The following PACS1 variants were observed in gnomAD, a reference collection of about 807,000 sequenced individuals.
The protein encoded by PACS1 is PACS-1.
PACS1 carries 24 observed loss-of-function variants against 115.0 expected under a neutral mutation model. The observed-to-expected ratio is 0.21, with a 90% CI of 0.15 to 0.29. PACS1 has a LOEUF of 0.29. Among genes scored for constraint, PACS1 ranks in the 10% least tolerant of loss-of-function variants. The pLI is 1.00. For synonymous variants in PACS1, 453 were observed against 504.5 expected (o/e 0.90, Z 1.37); for missense variants, 838 against 1,251.2 (o/e 0.67, Z 4.98).
At chr11:66,208,800 G>A (rs1855005245) in intron 2 of PACS1, among the ~76,000 whole-genome samples, 1 of 151,878 alleles carries the variant, frequency 6.6e-6, no homozygotes, top group Non-Finnish European at 1.5e-5. Flanking sequence ...TTATTTTTTT[G>A]GATTACAATT....
At chr11:66,173,589 A>G (rs1859788588) in intron 1 of PACS1, among the ~76,000 whole-genome samples, 1 of 151,996 alleles carries the variant, frequency 6.6e-6, no homozygotes, top group South Asian at 2.1e-4. Flanking sequence ...GTGTGCCTGT[A>G]ATCCCAGCTA....
At chr11:66,197,772 A>AC (rs1317509828) in intron 2 of PACS1, among the ~76,000 whole-genome samples, 2 of 152,222 alleles carry the variant, frequency 1.3e-5, no homozygotes, top group African/African-American at 2.4e-5. Flanking sequence ...ACCCTGGGCA[A>AC]CAGAACGAGA....
At chr11:66,218,921 GA>G (rs563300183) in intron 7 of PACS1, among the ~76,000 whole-genome samples, 66 of 151,940 alleles carry the variant, frequency 4.3e-4, no homozygotes, top group African/African-American at 1.4e-3. Flanking sequence ...TCAAAGCAGT[GA>G]GTTTCCACTT....
chr11:66,219,759 A>G lies in PACS1; in HGVS notation c.992A>G (p.Lys331Arg). The G allele has an allele frequency of 6.2e-7, 1 of 1,613,806 alleles. No homozygotes were observed. Among genetic ancestry groups the G allele is most frequent in the Non-Finnish European group, 8.5e-7 (1 of 1,179,796 alleles). Residue 331 changes from lysine (K) to arginine (R), a missense_variant, in exon 8 of 24, where the codon AAA becomes AGA. Around this residue, in one of 6 missense-constraint regions of PACS1, gnomAD observed 223 missense variants for 354.0 expected, o/e 0.63. Transcript: ENST00000320580. ...TTGTCCCTACAGCAACCTAACATCAAACAGAAGTTTGTGGCCCTCCTGAAG... is the reference window on the plus strand; with the variant it reads ...TTGTCCCTACAGCAACCTAACATCAGACAGAAGTTTGTGGCCCTCCTGAAG... ...TSAITRQPNI[K>R]QKFVALLKRF...
chr11:66,237,954 G>A lies in PACS1; in HGVS notation c.2251-850G>A, dbSNP rs533586944. On this transcript the variant is annotated intron_variant, in intron 19 of 23. Transcript: ENST00000320580. ...CCTGCAGGCCTGTGCGGTAGATTTC[G>A]CCCCATCAGGGTCCAGCCCTCTGGA... The A allele has an allele frequency of 7.6e-6, 4 of 528,164 alleles. No homozygotes were observed. The South Asian group carries it at 2.5e-4, about 33-fold the overall frequency. 32.7% of individuals were successfully genotyped at this position (528,164 alleles called of 1,614,324 possible). A position where few individuals can be genotyped will look rare whatever the true frequency, so the allele number is the denominator to read the frequency against.
At chr11:66,238,265 C>A in intron 19 of PACS1, 1 of 985,290 alleles carries the variant, frequency 1.0e-6, no homozygotes, top group Middle Eastern at 5.2e-4. Flanking sequence ...TTAGACTCTC[C>A]CACCTGGCAG....
Position 66,235,226 on chromosome 11 carries a change from TC to T in PACS1, c.2105-72del. The T allele has an allele frequency of 9.6e-7, 1 of 1,039,058 alleles. No homozygotes were observed. The highest frequency in any genetic ancestry group is 2.4e-5 in the East Asian group (1 of 41,682). The allele number at this position is 1,039,058 out of a possible 1,614,324, so 64.4% of individuals were successfully genotyped here. On this transcript the variant is annotated intron_variant, in intron 17 of 23. Coordinates refer to ENST00000320580, the MANE Select transcript of PACS1 (RefSeq NM_018026.4). This position sits in a 1 kb window ranked among gnomAD's most constrained non-coding sequence, Gnocchi z 5.6. ...GAGTCTGACGGGTCTCAGGAAGGGA[TC>T]CCTCTCCGAGAGGGTCTGCAGGTTT...
chr11:66,200,796 C>T (rs1854771116), intron 2 of PACS1, among the ~76,000 whole-genome samples: 1 of 151,766 alleles, frequency 6.6e-6, no homozygotes, highest in Non-Finnish European at 1.5e-5. Flanking sequence ...CCAAATGGAC[C>T]GAATAGATAT....
rs1858887818 is a variant in PACS1 at position 66,137,999 on chromosome 11, T to C, written c.357-55487T>C. Reference sequence around the variant, plus strand: ...CACCTGCCTTGGGCTTCTAGAATGCTGGTATTACAGACATGAGCCACAGCA... The same window carrying C: ...CACCTGCCTTGGGCTTCTAGAATGCCGGTATTACAGACATGAGCCACAGCA... On this transcript the variant is annotated intron_variant, in intron 1 of 23. Coordinates refer to ENST00000320580, the MANE Select transcript of PACS1 (RefSeq NM_018026.4). Among the ~76,000 whole-genome samples, 3 of 152,252 alleles carry C rather than the reference T, an allele frequency of 2.0e-5. No individual in the cohort carries two copies. The South Asian group carries it at 6.2e-4, about 32-fold the overall frequency.
At chr11:66,110,758 G>A (rs951081855) in intron 1 of PACS1, among the ~76,000 whole-genome samples, 1 of 151,966 alleles carries the variant, frequency 6.6e-6, no homozygotes. Flanking sequence ...TAGTAGAGAC[G>A]GGGTTTTGCC....
rs11822703 is a variant in PACS1, at chr11:66,142,090, A to G, written c.357-51396A>G. Among the ~76,000 whole-genome samples the G allele has an allele frequency of 7.0e-3, 1,060 of 152,058 alleles. 11 individuals are homozygous for G. The highest frequency in any genetic ancestry group is 0.024 in the African/African-American group (980 of 41,464). The stretch of plus-strand genomic sequence containing the variant: ...CTCCGAAAGTGCTGGGATTACAGGC[A>G]TGAGTCACCGCTCCCGGCCAGAGAT... On this transcript the variant is annotated intron_variant, in intron 1 of 23. Coordinates refer to ENST00000320580, the MANE Select transcript of PACS1 (RefSeq NM_018026.4).
rs760794148 is a variant in PACS1 at position 66,193,487 on chromosome 11, C to T, written c.358C>T (p.Leu120=). ...DRSSSSCVPR[L]FSLTLKKLVM... ...CATCTTCCTTCTCTGTTTTTCTAGG[C>T]TATTCAGCTTGACCCTGAAGAAACT... The change falls in exon 2 of 24, where the codon CTA becomes TTA. Residue 120 remains leucine (L), a splice_region_variant and synonymous_variant. Coordinates refer to ENST00000320580, the MANE Select transcript of PACS1 (RefSeq NM_018026.4). 1.9e-6 allele frequency: 3 copies of T among 1,606,500 alleles called. No homozygotes were observed. The highest frequency in any genetic ancestry group is 1.7e-6 in the Non-Finnish European group (2 of 1,173,076).
intron 4 of PACS1, among the ~76,000 whole-genome samples, chr11:66,214,060 C>CTGTGATTA: frequency 7.4e-6 from 1 of 135,130 alleles, no homozygotes; most frequent in Non-Finnish European, 1.6e-5. Flanking sequence ...AAAAAAAAGG[C>CTGTGATTA]TGTGATTATT....
At chr11:66,079,710 T>G (rs1359184108) in intron 1 of PACS1, among the ~76,000 whole-genome samples, 1 of 152,166 alleles carries the variant, frequency 6.6e-6, no homozygotes, top group African/African-American at 2.4e-5. Flanking sequence ...AAATCCTTGA[T>G]CTCATGAAGT....
At position 66,241,558 on chromosome 11, in the gene PACS1, G is replaced by A; in HGVS notation, c.2561G>A (p.Arg854His). Residue 854 changes from arginine (R) to histidine (H), a missense_variant, in exon 22 of 24, where the codon CGC becomes CAC. Arg to His is a conservative substitution (Grantham distance 29, BLOSUM62 0). Coordinates refer to ENST00000320580, the MANE Select transcript of PACS1 (RefSeq NM_018026.4). ...AAGAACACCCTCAAGAGTGTCTTCC[G>A]CTCAGTGCAGGTGTCCCGCCTGCCC... Reference protein sequence around the residue: ...SSKNTLKSVFRSVQVSRLPHS... With the variant: ...SSKNTLKSVFHSVQVSRLPHS... 2 of 1,614,192 alleles carry A rather than the reference G, an allele frequency of 1.2e-6. No homozygotes were observed. The highest frequency in any genetic ancestry group is 1.7e-6 in the Non-Finnish European group (2 of 1,180,024).
intron 1 of PACS1, among the ~76,000 whole-genome samples, chr11:66,117,843 CTCAAAAAAAAA>C (rs777367222): frequency 1.0e-4 from 15 of 150,526 alleles, no homozygotes; most frequent in Non-Finnish European, 2.2e-4. Flanking sequence ...GAAATGCCAT[CTCAAAAAAAAA>C]GAAAAAAAAA....
At chr11:66,134,880 T>C (rs1470394588) in intron 1 of PACS1, among the ~76,000 whole-genome samples, 1 of 152,210 alleles carries the variant, frequency 6.6e-6, no homozygotes, top group African/African-American at 2.4e-5. Flanking sequence ...TTTGGGTTTC[T>C]TGTTTCTTCC....
intron 1 of PACS1, among the ~76,000 whole-genome samples, chr11:66,168,176 A>G (rs1859650759): frequency 6.6e-6 from 1 of 150,444 alleles, no homozygotes; most frequent in East Asian, 1.9e-4. Context: ...TGTTGGGATG[A>G]CAGGCATGAG....
In PACS1 at chr11:66,070,886, G is replaced by T; in HGVS notation, c.356+44G>T. 7.2e-7 allele frequency: 1 copy of T among 1,395,028 alleles called. No homozygotes were observed. The highest frequency in any genetic ancestry group is 9.2e-7 in the Non-Finnish European group (1 of 1,084,342). 86.4% of individuals were successfully genotyped at this position (1,395,028 alleles called of 1,614,324 possible). On this transcript the variant is annotated intron_variant, in intron 1 of 23. Coordinates refer to ENST00000320580, the MANE Select transcript of PACS1 (RefSeq NM_018026.4). This position sits in a 1 kb window ranked among gnomAD's most constrained non-coding sequence, Gnocchi z 5.9. Reference sequence around the variant, plus strand: ...GGCGGGGCGCCGGGGGAGCGGGGTGGCCGCCGGGGCCCAGCCCTCCCCGCC... The same window carrying T: ...GGCGGGGCGCCGGGGGAGCGGGGTGTCCGCCGGGGCCCAGCCCTCCCCGCC...
Sources: allele counts gnomAD v4.1 joint callset (sites outside exome capture counted in the v4.1 genomes callset), GRCh38; gene constraint gnomAD v4.1.1; regional missense constraint gnomAD v4.1.1; non-coding constraint Gnocchi (gnomAD v3.1); transcripts MANE v1.5; gene names NCBI Gene and HGNC (gene_info 2026-07-23, HGNC 2026-07-21).